The following ZFR variants were observed in gnomAD, a reference collection of about 807,000 sequenced individuals.
The protein encoded by ZFR is zinc finger RNA binding protein.
ZFR carries 19 observed loss-of-function variants against 130.7 expected under a neutral mutation model. The observed-to-expected ratio is 0.15, with a 90% CI of 0.10 to 0.21. ZFR has a LOEUF of 0.21. Among genes scored for constraint, ZFR ranks in the 10% least tolerant of loss-of-function variants. The pLI is 1.00. For missense variants in ZFR, 872 were observed against 1,321.5 expected (o/e 0.66, Z 5.27); for synonymous variants, 466 against 456.9 (o/e 1.02, Z -0.25).
chr5:32,411,714 G>GGA (rs1554073349), intron 5 of ZFR, among the ~76,000 whole-genome samples: 5 of 54,606 alleles, frequency 9.2e-5, no homozygotes, highest in Admixed American at 5.1e-4. Flanking sequence ...AATTGAGGGG[G>GGA]GGCGGGGAAT....
Position 32,400,069 on chromosome 5 carries a change from G to A in ZFR, c.1651C>T (p.Pro551Ser). ...KQDTVSEPVTPASLAALQSDV... is the reference protein window; with the variant it reads ...KQDTVSEPVTSASLAALQSDV... ...CTCTGTAAAGCAGCAAGAGATGCAGGTGTGACTGGTTCTGACACTGTGTCT... is the reference window on the plus strand; with the variant it reads ...CTCTGTAAAGCAGCAAGAGATGCAGATGTGACTGGTTCTGACACTGTGTCT... The change falls in exon 9 of 20, where the codon CCT becomes TCT. Residue 551 changes from proline (P) to serine (S), a missense_variant. Coordinates refer to ENST00000265069, the MANE Select transcript of ZFR (RefSeq NM_016107.5). The A allele has an allele frequency of 6.2e-7, 1 of 1,613,542 alleles. No homozygotes were observed. Among genetic ancestry groups the A allele is most frequent in the Non-Finnish European group, 8.5e-7 (1 of 1,179,700 alleles).
intron 16 of ZFR, chr5:32,379,849 C>A: frequency 5.2e-6 from 2 of 383,808 alleles, no homozygotes; most frequent in Non-Finnish European, 9.4e-6. Context: ...ATAAAAAAAC[C>A]CCAACTACAA....
At position 32,390,643 on chromosome 5, in the gene ZFR, C is replaced by G. The variant is rs114642968; in HGVS notation, c.1980-206G>C. Among the ~76,000 whole-genome samples the G allele has an allele frequency of 0.013, 1,959 of 152,204 alleles. 13 individuals are homozygous for G. The highest frequency in any genetic ancestry group is 0.018 in the Non-Finnish European group (1,252 of 68,002). ...AGCATGAAAAGCAGAAAATTTCAGC[C>G]TGAGGAAAAAGTAAAAAGAACAGGC... is the stretch of plus-strand genomic sequence containing the variant. On this transcript the variant is annotated intron_variant, in intron 11 of 19. Coordinates refer to ENST00000265069, the MANE Select transcript of ZFR (RefSeq NM_016107.5).
intron 4 of ZFR, among the ~76,000 whole-genome samples, 187 bp downstream of exon 4, chr5:32,417,461 T>C (rs1448651669): frequency 6.6e-6 from 1 of 152,198 alleles, no homozygotes; most frequent in East Asian, 1.9e-4. Context: ...ATGGAGTACA[T>C]TTCCAGGAGA....
chr5:32,435,018 C>T (rs1045436137), intron 2 of ZFR, among the ~76,000 whole-genome samples: 1 of 152,042 alleles, frequency 6.6e-6, no homozygotes, highest in Non-Finnish European at 1.5e-5. Flanking sequence ...CCCCAGGCTC[C>T]GGTGATCCTC....
chr5:32,378,283 C>T (rs867370245), intron 17 of ZFR, among the ~76,000 whole-genome samples: 13 of 152,168 alleles, frequency 8.5e-5, no homozygotes, highest in African/African-American at 2.2e-4. Context: ...AAATAAAATA[C>T]GGCATGTCCA....
intron 4 of ZFR, among the ~76,000 whole-genome samples, chr5:32,417,168 C>T (rs914454551): frequency 6.6e-6 from 1 of 150,560 alleles, no homozygotes; most frequent in Non-Finnish European, 1.5e-5. Context: ...ATACAGGTTT[C>T]TTTGCAAACG....
At chr5:32,407,745 G>C (rs145382756) in intron 5 of ZFR, among the ~76,000 whole-genome samples, 1 of 152,250 alleles carries the variant, frequency 6.6e-6, no homozygotes, top group African/African-American at 2.4e-5. Context: ...GTGTTTTCTG[G>C]TTAAATGTAT....
At chr5:32,385,675 A>C (rs1753029025) in intron 14 of ZFR, 26 bp from the exon 15 acceptor site, 1 of 1,610,174 alleles carries the variant, frequency 6.2e-7, no homozygotes, top group Non-Finnish European at 8.5e-7. Flanking sequence ...GATAAGAAAC[A>C]AATTGGATCT....
chr5:32,431,691 T>C (rs1375496274), intron 2 of ZFR, among the ~76,000 whole-genome samples: 2 of 152,090 alleles, frequency 1.3e-5, no homozygotes, highest in African/African-American at 2.4e-5. Flanking sequence ...TGTTGGACTT[T>C]TCTAGGACAA....
At chr5:32,375,882 C>T (rs1445576149) in intron 17 of ZFR, among the ~76,000 whole-genome samples, 1 of 148,014 alleles carries the variant, frequency 6.8e-6, no homozygotes, top group Non-Finnish European at 1.5e-5. Flanking sequence ...CTCACTATGT[C>T]GCCCAGGCTG....
chr5:32,407,167 A>C (rs1753596473), intron 5 of ZFR, 146 bp from the exon 6 acceptor site: 7 of 724,860 alleles, frequency 9.7e-6, no homozygotes, highest in Admixed American at 3.7e-5. Context: ...AGAACCAGAA[A>C]AAAGCTTATT....
At chr5:32,392,459 G>T (rs1753203316) in intron 11 of ZFR, among the ~76,000 whole-genome samples, 2 of 152,078 alleles carry the variant, frequency 1.3e-5, no homozygotes, top group Admixed American at 6.5e-5. Context: ...CCATAAAAAG[G>T]ATTATTAATA....
chr5:32,442,619 G>A (rs1353484687), intron 2 of ZFR, among the ~76,000 whole-genome samples: 1 of 152,164 alleles, frequency 6.6e-6, no homozygotes, highest in East Asian at 1.9e-4. Flanking sequence ...AATGCCACAT[G>A]GCATTCAACA....
In ZFR at chr5:32,415,149, T is replaced by C; in HGVS notation, c.604A>G (p.Thr202Ala). 1 of 1,613,972 alleles carries C rather than the reference T, an allele frequency of 6.2e-7. No homozygotes were observed. The highest frequency in any genetic ancestry group is 2.2e-5 in the East Asian group (1 of 44,872). Residue 202 changes from threonine (T) to alanine (A), a missense_variant, in exon 5 of 20, where the codon ACT becomes GCT. Physicochemically the swap from Thr to Ala is moderately conservative, Grantham distance 58 (BLOSUM62 0). Coordinates refer to ENST00000265069, the MANE Select transcript of ZFR (RefSeq NM_016107.5). ...ACTTGTCGAGTTTGCTGGGCTTGAG[T>C]ATACTGAGTTGCACCTTGGCTGTAA... ...AGYSQGATQY[T>A]QAQQTRQVTA... is the part of the protein sequence containing the mutation.
chr5:32,441,677 G>C (rs899810413), intron 2 of ZFR, among the ~76,000 whole-genome samples: 1 of 152,148 alleles, frequency 6.6e-6, no homozygotes, highest in African/African-American at 2.4e-5. Context: ...AGAAAAATTA[G>C]CATCACCACC....
At chr5:32,422,798 CAAAAAAAAAAA>C (rs10693151) in intron 2 of ZFR, among the ~76,000 whole-genome samples, 10 of 24,004 alleles carry the variant, frequency 4.2e-4, no homozygotes, top group Non-Finnish European at 1.4e-4. Context: ...AAACCTGTCT[CAAAAAAAAAAA>C]AAAAAAAAAA....
At chr5:32,415,402 G>C (rs1457616599) in intron 4 of ZFR, among the ~76,000 whole-genome samples, 1 of 151,862 alleles carries the variant, frequency 6.6e-6, no homozygotes, top group Non-Finnish European at 1.5e-5. Flanking sequence ...TGCTTTCTAT[G>C]TATTTCCAAA....
intron 2 of ZFR, 139 bp downstream of exon 2, chr5:32,444,090 C>CGCCGGGCTGG: frequency 1.3e-6 from 1 of 764,952 alleles, no homozygotes; most frequent in Non-Finnish European, 1.7e-6. Flanking sequence ...CGGGAGAGGC[C>CGCCGGGCTGG]GCCGGGCTGG....
Sources: allele counts gnomAD v4.1 joint callset (sites outside exome capture counted in the v4.1 genomes callset), GRCh38; gene constraint gnomAD v4.1.1; transcripts MANE v1.5; gene names NCBI Gene and HGNC (gene_info 2026-07-23, HGNC 2026-07-21).